Variants in OSBPL10 observed in about 807,000 individuals in gnomAD.
OSBPL10 encodes oxysterol-binding protein-related protein 10.
In OSBPL10, 49 loss-of-function variants were observed where a neutral mutation model predicts 81.7. That is an observed-to-expected ratio of 0.60 (90% confidence interval 0.48 to 0.76). The LOEUF is 0.76. OSBPL10 is among the 30% of genes least tolerant of loss of function. The pLI is 0.00. For synonymous variants in OSBPL10, 419 were observed against 383.6 expected (o/e 1.09, Z -1.08); for missense variants, 923 against 987.8 (o/e 0.93, Z 0.88).
At chr3:31,933,084 T>C (rs557247841) in intron 1 of OSBPL10, among the ~76,000 whole-genome samples, 1 of 152,300 alleles carries the variant, frequency 6.6e-6, no homozygotes, top group East Asian at 1.9e-4. Context: ...TCAGAAGAGT[T>C]TAAAGATTTT....
chr3:32,027,116 G>A (rs1045042162), intron 2 of OSBPL10, among the ~76,000 whole-genome samples: 1 of 151,936 alleles, frequency 6.6e-6, no homozygotes, highest in African/African-American at 2.4e-5. Context: ...TACCATGGTG[G>A]TTTGCTGCAC....
chr3:31,683,179 T>C (rs907850606), intron 8 of OSBPL10, among the ~76,000 whole-genome samples: 3 of 152,210 alleles, frequency 2.0e-5, no homozygotes, highest in African/African-American at 2.4e-5. Flanking sequence ...ATTTCCAGCA[T>C]AGAGTCAAAA....
intron 3 of OSBPL10, among the ~76,000 whole-genome samples, chr3:31,844,617 G>C (rs1700581783): frequency 6.6e-6 from 1 of 152,210 alleles, no homozygotes; most frequent in African/African-American, 2.4e-5. Flanking sequence ...ACAGAAAGCA[G>C]ACTGGTTGTT....
intron 7 of OSBPL10, among the ~76,000 whole-genome samples, chr3:31,696,088 G>T (rs989610629): frequency 6.6e-6 from 1 of 152,148 alleles, no homozygotes; most frequent in Non-Finnish European, 1.5e-5. Context: ...AGGCAGTCTG[G>T]CTCAGAGCCA....
chr3:31,696,353 C>T (rs1695720203), intron 7 of OSBPL10, among the ~76,000 whole-genome samples: 1 of 152,258 alleles, frequency 6.6e-6, no homozygotes. Flanking sequence ...ATTTCAGATA[C>T]TCCTACAGTT....
intron 7 of OSBPL10, among the ~76,000 whole-genome samples, chr3:31,694,806 G>A (rs1695666008): frequency 6.6e-6 from 1 of 152,178 alleles, no homozygotes; most frequent in Non-Finnish European, 1.5e-5. Flanking sequence ...CCAGACTGGA[G>A]TGCAATGGCA....
intron 3 of OSBPL10, among the ~76,000 whole-genome samples, chr3:31,848,520 A>G (rs1237030959): frequency 2.0e-5 from 3 of 152,046 alleles, no homozygotes; most frequent in South Asian, 4.2e-4. Flanking sequence ...CAAATGCCCT[A>G]TTGCATTTAA....
At chr3:31,814,578 C>T (rs1699784960) in intron 4 of OSBPL10, among the ~76,000 whole-genome samples, 1 of 152,126 alleles carries the variant, frequency 6.6e-6, no homozygotes, top group Admixed American at 6.5e-5. Context: ...CGTCTATGAA[C>T]CACAGAACAG....
At chr3:31,761,025 T>C (rs565933080) in intron 4 of OSBPL10, among the ~76,000 whole-genome samples, 1 of 152,290 alleles carries the variant, frequency 6.6e-6, no homozygotes, top group Admixed American at 6.5e-5. Flanking sequence ...ATTGTAACAA[T>C]TTGTATTCTC....
intron 2 of OSBPL10, among the ~76,000 whole-genome samples, chr3:32,020,223 G>A (rs1699348854): frequency 6.6e-6 from 1 of 152,060 alleles, no homozygotes; most frequent in African/African-American, 2.4e-5. Context: ...ATGACTTTTA[G>A]AATCTGTATA....
intron 3 of OSBPL10, among the ~76,000 whole-genome samples, chr3:31,857,788 GGGAGAGACAGAAAGGGAGAGA>G (rs1700951607): frequency 8.2e-6 from 1 of 122,148 alleles, no homozygotes; most frequent in Non-Finnish European, 1.7e-5. Flanking sequence ...GGGGGTGGGG[GGGAGAGACAGAAAGGGAGAGA>G]GAGAGAAAGG....
At chr3:31,816,381 A>C (rs918324071) in intron 4 of OSBPL10, among the ~76,000 whole-genome samples, 1 of 152,204 alleles carries the variant, frequency 6.6e-6, no homozygotes, top group African/African-American at 2.4e-5. Flanking sequence ...TGTGTGTGCA[A>C]GAACCAAGCC....
intron 4 of OSBPL10, among the ~76,000 whole-genome samples, chr3:31,792,000 C>G (rs1021381905): frequency 2.6e-5 from 4 of 152,138 alleles, no homozygotes; most frequent in African/African-American, 9.7e-5. Context: ...AGTCCCAACA[C>G]TTTGGGAGGC....
intron 4 of OSBPL10, among the ~76,000 whole-genome samples, chr3:31,825,739 T>C (rs1217603899): frequency 6.6e-6 from 1 of 152,200 alleles, no homozygotes; most frequent in Non-Finnish European, 1.5e-5. Context: ...TTTCAAAATG[T>C]CCTTTCTGGG....
At chr3:31,822,882 C>A in intron 4 of OSBPL10, among the ~76,000 whole-genome samples, 1 of 131,440 alleles carries the variant, frequency 7.6e-6, no homozygotes, top group East Asian at 2.2e-4. Context: ...CTGCTATACT[C>A]CAGCCTCCAA....
intron 6 of OSBPL10, chr3:31,714,960 C>G (rs1196732365): frequency 6.9e-6 from 1 of 145,364 alleles, no homozygotes; most frequent in Non-Finnish European, 1.5e-5. Context: ...CTCAGGATCT[C>G]CTGAGGGCTG....
chr3:32,055,378 A>G (rs1301217310), intron 1 of OSBPL10, among the ~76,000 whole-genome samples: 1 of 150,748 alleles, frequency 6.6e-6, no homozygotes, highest in East Asian at 2.0e-4. Flanking sequence ...TAATTTTTGT[A>G]TTTTTAGTAG....
intron 5 of OSBPL10, among the ~76,000 whole-genome samples, chr3:31,744,189 T>G (rs1457432040): frequency 6.6e-6 from 1 of 152,176 alleles, no homozygotes; most frequent in African/African-American, 2.4e-5. Context: ...ATCGTGATGC[T>G]TCATGCTCTA....
At chr3:31,869,453 A>C (rs557333620) in intron 3 of OSBPL10, among the ~76,000 whole-genome samples, 1 of 152,204 alleles carries the variant, frequency 6.6e-6, no homozygotes, top group African/African-American at 2.4e-5. Flanking sequence ...CCCAAAAATG[A>C]GTGCAAAAGG....
Sources: allele counts gnomAD v4.1 joint callset (sites outside exome capture counted in the v4.1 genomes callset), GRCh38; gene constraint gnomAD v4.1.1; transcripts MANE v1.5; gene names NCBI Gene and HGNC (gene_info 2026-07-23, HGNC 2026-07-21).